The following FREM2 variants were observed in gnomAD, a reference collection of about 807,000 sequenced individuals.
FREM2 encodes FRAS1-related extracellular matrix protein 2.
A neutral mutation model predicts 219.9 loss-of-function variants in FREM2; 119 were observed. The observed-to-expected ratio is 0.54, with a 90% CI of 0.47 to 0.63. The LOEUF is 0.63. Among genes scored for constraint, FREM2 ranks in the 30% least tolerant of loss-of-function variants. The probability of loss-of-function intolerance (pLI) is 0.00; values close to 1 mark genes in which losing one functional copy is unlikely to be tolerated. For synonymous variants in FREM2, 1,562 were observed against 1,522.8 expected (o/e 1.03, Z -0.60); for missense variants, 4,030 against 3,993.6 (o/e 1.01, Z -0.25).
chr13:38,772,265 G>A (rs1390469813), intron 4 of FREM2, among the ~76,000 whole-genome samples: 3 of 152,164 alleles, frequency 2.0e-5, no homozygotes, highest in African/African-American at 7.2e-5. Flanking sequence ...AAAGATAATA[G>A]CATAGAATCT....
chr13:38,695,515 A>G (rs1226545084), intron 1 of FREM2, among the ~76,000 whole-genome samples: 1 of 152,202 alleles, frequency 6.6e-6, no homozygotes, highest in Non-Finnish European at 1.5e-5. Flanking sequence ...AATTTCGCTT[A>G]AGAAAACATT....
At chr13:38,802,845 G>A (rs111883892) in intron 6 of FREM2, among the ~76,000 whole-genome samples, 120 of 152,250 alleles carry the variant, frequency 7.9e-4, no homozygotes, top group African/African-American at 2.7e-3. Flanking sequence ...TCCTGTAGCT[G>A]GGATTGTGAA....
In FREM2 at chr13:38,851,861, G is replaced by C; in HGVS notation, c.6918G>C (p.Val2306=). ...SATSGEDYHP[V]SEEIEFKEGE... is the part of the protein sequence containing the mutation. ...CCTCTGGAGAAGACTACCACCCTGT[G>C]TCAGAAGGTATGGGGCTCCCAGGGC... The change falls in exon 11 of 24, where the codon GTG becomes GTC. Residue 2306 remains valine (V), a synonymous_variant. Transcript: ENST00000280481. The C allele has an allele frequency of 1.2e-6, 2 of 1,613,718 alleles. No homozygotes were observed. The highest frequency in any genetic ancestry group is 1.7e-6 in the Non-Finnish European group (2 of 1,179,840).
Position 38,861,529 on chromosome 13 carries a change from A to G in FREM2, c.7618A>G (p.Ile2540Val). The G allele has an allele frequency of 6.2e-7, 1 of 1,614,040 alleles. No homozygotes were observed. The highest frequency in any genetic ancestry group is 8.5e-7 in the Non-Finnish European group (1 of 1,180,012). The change falls in exon 15 of 24, where the codon ATC becomes GTC. Residue 2540 changes from isoleucine (I) to valine (V), a missense_variant. By Grantham distance (29) the Ile-to-Val change is conservative (BLOSUM62 3). Coordinates refer to ENST00000280481, the MANE Select transcript of FREM2 (RefSeq NM_207361.6). ...TGAGGATGCAGACTACACAAACCTT[A>G]TCAAGCTCACTGTCACAATGCCACA... ...GPEDADYTNL[I>V]KLTVTMPHID...
intron 6 of FREM2, among the ~76,000 whole-genome samples, chr13:38,807,225 A>ATATATATATATATG (rs1208111391): frequency 8.0e-6 from 1 of 125,236 alleles, no homozygotes; most frequent in Non-Finnish European, 1.7e-5. Flanking sequence ...ATATATATAT[A>ATATATATATATATG]TATGTATGGT....
intron 12 of FREM2, among the ~76,000 whole-genome samples, chr13:38,857,607 C>T (rs768344070): frequency 9.2e-5 from 14 of 152,256 alleles, no homozygotes; most frequent in Non-Finnish European, 1.8e-4. Flanking sequence ...AAATTAGAGC[C>T]CAAACACCTC....
In FREM2 at chr13:38,846,682, C is replaced by A. The variant is rs959339514; in HGVS notation, c.6129C>A (p.Val2043=). The change falls in exon 7 of 24, where the codon GTC becomes GTA. Residue 2043 remains valine (V), a synonymous_variant. Coordinates refer to ENST00000280481, the MANE Select transcript of FREM2 (RefSeq NM_207361.6). Reference sequence around the variant, plus strand: ...CTGACCTGTCCAAGTCTTCTAGTGTCACAGTGAGGTCTCGGAAAACAGATC... The same window carrying A: ...CTGACCTGTCCAAGTCTTCTAGTGTAACAGTGAGGTCTCGGAAAACAGATC... ...TGTDLSKSSS[V]TVRSRKTDPP... is the part of the protein sequence containing the mutation. The A allele has an allele frequency of 5.6e-6, 9 of 1,613,772 alleles. No individual in the cohort carries two copies. The highest frequency in any genetic ancestry group is 7.6e-6 in the Non-Finnish European group (9 of 1,179,836).
intron 6 of FREM2, among the ~76,000 whole-genome samples, chr13:38,798,186 G>A (rs1039998109): frequency 2.0e-5 from 3 of 151,984 alleles, no homozygotes; most frequent in Non-Finnish European, 4.4e-5. Context: ...TATTATGATG[G>A]ATGTTTAATT....
intron 4 of FREM2, among the ~76,000 whole-genome samples, chr13:38,776,037 C>T (rs1239817600): frequency 1.3e-5 from 2 of 152,196 alleles, no homozygotes; most frequent in African/African-American, 4.8e-5. Context: ...GGTATGTTTA[C>T]ATTACTTTAT....
At chr13:38,870,587 G>T (rs999475714) in intron 16 of FREM2, among the ~76,000 whole-genome samples, 1 of 152,150 alleles carries the variant, frequency 6.6e-6, no homozygotes, top group Non-Finnish European at 1.5e-5. Flanking sequence ...AAGAAGGTAG[G>T]TGATCTAGAT....
chr13:38,688,328 G>A lies in FREM2; in HGVS notation c.984G>A (p.Met328Ile). The A allele has an allele frequency of 6.2e-7, 1 of 1,614,228 alleles. No homozygotes were observed. The highest frequency in any genetic ancestry group is 8.5e-7 in the Non-Finnish European group (1 of 1,180,050). Residue 328 changes from methionine (M) to isoleucine (I), a missense_variant, in exon 1 of 24, where the codon ATG becomes ATA. By Grantham distance (10) the Met-to-Ile change is conservative. Transcript: ENST00000280481. ...PKPSFVAMMM[M>I]EVDQFVLTAL... is the part of the protein sequence containing the mutation. Reference sequence around the variant, plus strand: ...CCAGTTTCGTGGCCATGATGATGATGGAGGTGGACCAGTTTGTACTGACGG... The same window carrying A: ...CCAGTTTCGTGGCCATGATGATGATAGAGGTGGACCAGTTTGTACTGACGG...
intron 2 of FREM2, among the ~76,000 whole-genome samples, chr13:38,698,934 T>C (rs1457432419): frequency 1.3e-5 from 2 of 152,190 alleles, no homozygotes; most frequent in African/African-American, 4.8e-5. Flanking sequence ...TGTGAGTGCC[T>C]TTATTTTTTG....
chr13:38,841,284 T>C (rs574251586), intron 6 of FREM2, among the ~76,000 whole-genome samples: 2 of 152,200 alleles, frequency 1.3e-5, no homozygotes, highest in South Asian at 2.1e-4. Flanking sequence ...CCAAGGTAGT[T>C]GCCTGTCAAG....
rs193009528 is a variant in FREM2 at position 38,741,432 on chromosome 13, T to C, written c.5264-22872T>C. On this transcript the variant is annotated intron_variant, in intron 2 of 23. Transcript: ENST00000280481. ...CTAATGAAGACCTTCATATGTATGCTAATATGAGTCACTGAATGACCACAA... is the reference window on the plus strand; with the variant it reads ...CTAATGAAGACCTTCATATGTATGCCAATATGAGTCACTGAATGACCACAA... Among the ~76,000 whole-genome samples the C allele has an allele frequency of 3.9e-5, 6 of 152,296 alleles. No homozygotes were observed. In the East Asian group the frequency reaches 1.2e-3, roughly 29 times the overall value.
At chr13:38,855,136 T>C (rs905292452) in intron 11 of FREM2, among the ~76,000 whole-genome samples, 29 of 133,564 alleles carry the variant, frequency 2.2e-4, no homozygotes, top group Admixed American at 1.5e-3. Context: ...AAAATAATTC[T>C]GATTTTTTTT....
At position 38,692,189 on chromosome 13, in the gene FREM2, C is replaced by G; in HGVS notation, c.4845C>G (p.Ser1615Arg). Residue 1615 changes from serine to arginine, a missense_variant, in exon 1 of 24, where the codon AGC becomes AGG. Ser to Arg is a moderately radical substitution (Grantham distance 110). Coordinates refer to ENST00000280481, the MANE Select transcript of FREM2 (RefSeq NM_207361.6). ...KHDGTESSED[S>R]FSFTVTDGTH... ...ATGGCACTGAGTCAAGTGAAGATAG[C>G]TTCTCCTTCACAGTGACTGATGGCA... 6.2e-7 allele frequency: 1 copy of G among 1,613,942 alleles called. No homozygotes were observed. The highest frequency in any genetic ancestry group is 8.5e-7 in the Non-Finnish European group (1 of 1,179,826).
intron 2 of FREM2, 139 bp downstream of exon 2, chr13:38,697,926 A>G (rs1333618268): frequency 7.1e-6 from 5 of 703,338 alleles, no homozygotes; most frequent in Non-Finnish European, 1.3e-5. Flanking sequence ...TGCTGTAGAC[A>G]ATTTTACAAT....
At chr13:38,853,122 G>T (rs758522686) in intron 11 of FREM2, among the ~76,000 whole-genome samples, 23 of 151,818 alleles carry the variant, frequency 1.5e-4, no homozygotes, top group Non-Finnish European at 2.5e-4. Flanking sequence ...GAGGTCAGGA[G>T]TTCAAGACCA....
At chr13:38,838,858 CA>C (rs1237990266) in intron 6 of FREM2, among the ~76,000 whole-genome samples, 2 of 152,138 alleles carry the variant, frequency 1.3e-5, no homozygotes, top group Non-Finnish European at 2.9e-5. Context: ...AGCAATTCCT[CA>C]AACCTTCTTT....
Sources: allele counts gnomAD v4.1 joint callset (sites outside exome capture counted in the v4.1 genomes callset), GRCh38; gene constraint gnomAD v4.1.1; transcripts MANE v1.5; gene names NCBI Gene and HGNC (gene_info 2026-07-23, HGNC 2026-07-21).